FGD6: variants seen among roughly 807,000 people sequenced by gnomAD.
FGD6 encodes FYVE, RhoGEF and PH domain containing 6.
FGD6 carries 90 observed loss-of-function variants against 149.4 expected under a neutral mutation model. The ratio of observed to expected loss-of-function variants is 0.60; its 90% CI spans 0.51 to 0.72. The LOEUF (loss-of-function observed/expected upper bound fraction) is 0.72. Ranked by LOEUF, FGD6 falls within the 30% of genes least tolerant of loss-of-function variation. The probability of loss-of-function intolerance (pLI) is 0.00; values close to 1 mark genes in which losing one functional copy is unlikely to be tolerated. For synonymous variants in FGD6, 527 were observed against 584.0 expected (o/e 0.90, Z 1.41); for missense variants, 1,437 against 1,684.8 (o/e 0.85, Z 2.57).
chr12:95,086,031 T>C (rs1877853557), intron 18 of FGD6, 123 bp from the exon 19 acceptor site: 7 of 1,036,634 alleles, frequency 6.8e-6, no homozygotes, highest in Non-Finnish European at 9.8e-6. Context: ...GAATGAAATA[T>C]ATTTTCAAAG....
chr12:95,187,625 CTGGG>C (rs910338325), intron 2 of FGD6, among the ~76,000 whole-genome samples: 72 of 149,256 alleles, frequency 4.8e-4, no homozygotes, highest in African/African-American at 1.7e-3. Flanking sequence ...TCACTCCAGC[CTGGG>C]TGACTGAGCG....
intron 8 of FGD6, among the ~76,000 whole-genome samples, chr12:95,119,919 CA>C (rs1879137717): frequency 6.8e-6 from 1 of 146,772 alleles, no homozygotes; most frequent in African/African-American, 2.5e-5. Flanking sequence ...GACTCCATCT[CA>C]AAAAAACAAA....
chr12:95,180,288 G>A (rs1005561823), intron 2 of FGD6, among the ~76,000 whole-genome samples: 1 of 151,852 alleles, frequency 6.6e-6, no homozygotes, highest in Admixed American at 6.6e-5. Flanking sequence ...ATACCAGGCT[G>A]TCCCCGAACA....
At chr12:95,212,610 G>A (rs977676428) in intron 1 of FGD6, among the ~76,000 whole-genome samples, 33 of 152,022 alleles carry the variant, frequency 2.2e-4, no homozygotes, top group Admixed American at 4.6e-4. Flanking sequence ...ATATTTGTTC[G>A]TTTGACAGGA....
At chr12:95,149,771 T>C in intron 5 of FGD6, among the ~76,000 whole-genome samples, 1 of 145,088 alleles carries the variant, frequency 6.9e-6, no homozygotes, top group East Asian at 2.0e-4. Context: ...GTATTATATA[T>C]AGTATATATA....
intron 8 of FGD6, among the ~76,000 whole-genome samples, chr12:95,117,479 C>G (rs1879054418): frequency 6.6e-6 from 1 of 151,690 alleles, no homozygotes; most frequent in Non-Finnish European, 1.5e-5. Flanking sequence ...CTGGAGTGTG[C>G]AGTGGTGTGA....
intron 2 of FGD6, among the ~76,000 whole-genome samples, chr12:95,178,854 A>T (rs1053359394): frequency 6.6e-6 from 1 of 152,204 alleles, no homozygotes; most frequent in African/African-American, 2.4e-5. Context: ...ATAAACAAAG[A>T]AACTTACAAC....
chr12:95,133,987 A>AGT (rs1229354420), intron 8 of FGD6, among the ~76,000 whole-genome samples: 3 of 152,146 alleles, frequency 2.0e-5, no homozygotes, highest in Admixed American at 1.3e-4. Flanking sequence ...TTTCCTTACT[A>AGT]AACAGACATA....
At chr12:95,189,294 T>C (rs1321842720) in intron 2 of FGD6, 6 of 152,230 alleles carry the variant, frequency 3.9e-5, no homozygotes, top group Non-Finnish European at 8.8e-5. Flanking sequence ...AAAAATGTTT[T>C]TGCTTCTTAA....
intron 5 of FGD6, among the ~76,000 whole-genome samples, chr12:95,150,899 A>C (rs1297804588): frequency 6.6e-6 from 1 of 152,150 alleles, no homozygotes; most frequent in Non-Finnish European, 1.5e-5. Flanking sequence ...GTTCGAGACC[A>C]GCCTGGGCAA....
At position 95,211,266 on chromosome 12, in the gene FGD6, C is replaced by A. The variant is rs750051583; in HGVS notation, c.18G>T (p.Glu6Asp). ...TGGGGGCCACTGGTGGCTTCTTTAT[C>A]TCTAGAAAGGAAAAAATAATAATTT... Reference protein sequence around the residue: MTSAAEIKKPPVAPKP... With the variant: MTSAADIKKPPVAPKP... Residue 6 changes from glutamate to aspartate, a missense_variant and splice_region_variant, in exon 2 of 21, where the codon GAG becomes GAT. Physicochemically the swap from Glu to Asp is conservative, Grantham distance 45. Around this residue, in one of 2 missense-constraint regions of FGD6, gnomAD observed 1,055 missense variants for 1,146.0 expected, o/e 0.92. Coordinates refer to ENST00000343958, the MANE Select transcript of FGD6 (RefSeq NM_018351.4). 1.1e-5 allele frequency: 17 copies of A among 1,554,362 alleles called. No individual in the cohort carries two copies. In the South Asian group the frequency reaches 2.1e-4, roughly 19 times the overall value.
intron 5 of FGD6, among the ~76,000 whole-genome samples, chr12:95,149,322 T>C (rs1880209934): frequency 1.1e-5 from 1 of 92,500 alleles, no homozygotes; most frequent in South Asian, 2.8e-4. Flanking sequence ...ATATAGCATA[T>C]ATTATATAAT....
rs149392419 is a variant in FGD6, at chr12:95,188,662, C to T, written c.2442-15918G>A. On this transcript the variant is annotated intron_variant, in intron 2 of 20. Transcript: ENST00000343958. The stretch of plus-strand genomic sequence containing the variant: ...GGAGGGAGGATTTTACTTTTCACTT[C>T]ATGTACATTTAACTTTTTTTAAGAC... Among the ~76,000 whole-genome samples the T allele has an allele frequency of 2.7e-3, 412 of 152,280 alleles. 2 individuals are homozygous for T. The highest frequency in any genetic ancestry group is 8.2e-3 in the African/African-American group (340 of 41,562).
chr12:95,091,205 G>A (rs138719014), intron 17 of FGD6, among the ~76,000 whole-genome samples: 35 of 152,322 alleles, frequency 2.3e-4, no homozygotes, highest in African/African-American at 8.2e-4. Context: ...CATTTTACTG[G>A]AGGATACCTG....
chr12:95,088,208 C>T (rs1179183957), intron 18 of FGD6, among the ~76,000 whole-genome samples: 1 of 152,128 alleles, frequency 6.6e-6, no homozygotes, highest in Non-Finnish European at 1.5e-5. Flanking sequence ...AACATGTCTT[C>T]CAATGATTTG....
chr12:95,157,298 G>A (rs1051515195), intron 3 of FGD6, among the ~76,000 whole-genome samples: 1 of 152,208 alleles, frequency 6.6e-6, no homozygotes, highest in Non-Finnish European at 1.5e-5. Flanking sequence ...TGGGTGCGGT[G>A]GCTGACGCCT....
At chr12:95,138,209 T>C (rs1592847871) in intron 6 of FGD6, among the ~76,000 whole-genome samples, 2 of 67,448 alleles carry the variant, frequency 3.0e-5, no homozygotes, top group South Asian at 1.0e-3. Flanking sequence ...GTCTCAAAAA[T>C]AAATAAATAA....
At chr12:95,120,848 A>C (rs115218533) in intron 8 of FGD6, among the ~76,000 whole-genome samples, 1,838 of 152,274 alleles carry the variant, frequency 0.012, 37 homozygotes, top group African/African-American at 0.042. Flanking sequence ...TTTATTGCTA[A>C]TAGAATTGGT....
intron 17 of FGD6, 58 bp from the exon 18 acceptor site, chr12:95,089,754 C>A: frequency 6.3e-7 from 1 of 1,592,036 alleles, no homozygotes; most frequent in South Asian, 1.1e-5. Context: ...AATTCAATTT[C>A]ATTCAAATCC....
Sources: gnomAD v4.1 joint callset for allele counts (sites outside exome capture counted in the v4.1 genomes callset) on GRCh38, gnomAD v4.1.1 for gene constraint, gnomAD v4.1.1 regional missense constraint, MANE v1.5 for transcripts, NCBI Gene and HGNC (gene_info 2026-07-23, HGNC 2026-07-21) for gene names.